Variants in XAF1 observed in about 807,000 individuals in gnomAD.
XAF1 encodes the protein XIAP-associated factor 1.
Under a neutral mutation model 32.3 loss-of-function variants are expected in XAF1, and 32 were observed. That is an observed-to-expected ratio of 0.99 (90% CI 0.75 to 1.33). The LOEUF is 1.33. XAF1 is among the 40% of genes most tolerant of loss of function. The pLI is 0.00. For missense variants in XAF1, 379 were observed against 366.0 expected, an observed-to-expected ratio of 1.04 and a Z score of -0.29; for synonymous variants, 120 against 125.9, an observed-to-expected ratio of 0.95 and a Z score of 0.31.
rs112532905 is a variant in XAF1, at chr17:6,763,276, C to T, written c.507+1036C>T. 9.9e-3 allele frequency among the ~76,000 whole-genome samples: 1,500 copies of T among 152,188 alleles called. 23 individuals are homozygous for T. Among genetic ancestry groups the T allele is most frequent in the African/African-American group, 0.033 (1,387 of 41,528 alleles). On this transcript the variant is annotated intron_variant, in intron 5 of 6. Coordinates refer to ENST00000361842, the MANE Select transcript of XAF1 (RefSeq NM_017523.5). ...TACCGTAACATTTTCAAGGTTTGCC[C>T]GTGTTGTAGTTGTGGCATGTGTCAG...
chr17:6,765,761 A>G (rs1003076764), intron 5 of XAF1, among the ~76,000 whole-genome samples: 1 of 152,116 alleles, frequency 6.6e-6, no homozygotes, highest in Non-Finnish European at 1.5e-5. Flanking sequence ...AGTCTCCTAA[A>G]CGGTCTTCCT....
At position 6,774,762 on chromosome 17, in the gene XAF1, A is replaced by T. The variant is rs149116720; in HGVS notation, c.*1593A>T. On this transcript the variant is annotated 3_prime_UTR_variant, in exon 7 of 7. Transcript: ENST00000361842. The stretch of plus-strand genomic sequence containing the variant: ...GAAAGGATAAAGAAAATGTGGTGGC[A>T]GGGAGTGGTGGCTCATGTCTGTAAT... 2 of 152,278 alleles carry T rather than the reference A, an allele frequency of 1.3e-5. No individual in the cohort carries two copies. Among genetic ancestry groups the T allele is most frequent in the Admixed American group, 6.5e-5 (1 of 15,286 alleles). 9.4% of individuals were successfully genotyped at this position (152,278 alleles called of 1,614,324 possible). A position where few individuals can be genotyped will look rare whatever the true frequency, so the allele number is the denominator to read the frequency against.
In XAF1 at chr17:6,774,789, C is replaced by T. The variant is rs1213888232; in HGVS notation, c.*1620C>T. 6.6e-6 allele frequency: 1 copy of T among 152,046 alleles called. No individual in the cohort carries two copies. The highest frequency in any genetic ancestry group is 1.9e-4 in the East Asian group (1 of 5,194). The allele number at this position is 152,046 out of a possible 1,614,324, so 9.4% of individuals were successfully genotyped here. ...GGAGTGGTGGCTCATGTCTGTAATC[C>T]CAGCACTTTGGGAGGCTGAGGCGGG... is the stretch of plus-strand genomic sequence containing the variant. On this transcript the variant is annotated 3_prime_UTR_variant, in exon 7 of 7. Transcript: ENST00000361842.
At chr17:6,767,858 C>T (rs1472442570) in intron 5 of XAF1, among the ~76,000 whole-genome samples, 1 of 152,068 alleles carries the variant, frequency 6.6e-6, no homozygotes, top group Non-Finnish European at 1.5e-5. Flanking sequence ...TTATTTCTAT[C>T]ATTTCAATAG....
chr17:6,755,998 C>T, upstream of XAF1: 2 of 1,610,654 alleles, frequency 1.2e-6, no homozygotes, highest in South Asian at 2.2e-5. Flanking sequence ...AAGCTGTGGG[C>T]TGGGCCATCG....
intron 4 of XAF1, 61 bp downstream of exon 4, chr17:6,760,662 G>A: frequency 2.7e-6 from 4 of 1,508,610 alleles, no homozygotes; most frequent in Non-Finnish European, 3.6e-6. Context: ...TTCCTGGATG[G>A]GATGCAAGGA....
At chr17:6,759,887 C>T (rs1291646235) in intron 3 of XAF1, 169 bp downstream of exon 3, 1 of 1,151,068 alleles carries the variant, frequency 8.7e-7, no homozygotes, top group East Asian at 2.5e-5. Flanking sequence ...CACAGGTTCT[C>T]CTGTCCCCCA....
At chr17:6,759,802 A>G (rs754416707) in intron 3 of XAF1, 84 bp downstream of exon 3, 1 of 1,605,054 alleles carries the variant, frequency 6.2e-7, no homozygotes, top group East Asian at 2.2e-5. Context: ...GAGGCCAGTA[A>G]TAGAGATTTC....
chr17:6,757,864 C>A (rs1464129194), intron 1 of XAF1, among the ~76,000 whole-genome samples: 3 of 152,086 alleles, frequency 2.0e-5, no homozygotes, highest in Admixed American at 1.3e-4. Flanking sequence ...ATGCCCTGCC[C>A]CAGCAATGTA....
chr17:6,768,631 A>AT (rs1282823095), intron 5 of XAF1, among the ~76,000 whole-genome samples: 3 of 152,116 alleles, frequency 2.0e-5, no homozygotes, highest in Non-Finnish European at 2.9e-5. Context: ...CAAAATCTAG[A>AT]TTAACAGCTA....
chr17:6,757,273 G>C (rs1208905603), intron 1 of XAF1: 2 of 152,368 alleles, frequency 1.3e-5, no homozygotes, highest in African/African-American at 4.8e-5. Flanking sequence ...AAAGTGCTGG[G>C]ATTACAGGCA....
intron 2 of XAF1, chr17:6,759,276 C>T: frequency 8.6e-7 from 1 of 1,166,668 alleles, no homozygotes; most frequent in Non-Finnish European, 1.1e-6. Flanking sequence ...CTGGCATAGG[C>T]AAGAGGTTCT....
intron 6 of XAF1, among the ~76,000 whole-genome samples, chr17:6,772,212 T>C (rs931190429): frequency 1.3e-5 from 2 of 152,158 alleles, no homozygotes; most frequent in African/African-American, 4.8e-5. Context: ...CATCCTTATA[T>C]AACAGAGTCG....
chr17:6,769,920 C>A (rs1245164545), intron 5 of XAF1, among the ~76,000 whole-genome samples: 2 of 152,198 alleles, frequency 1.3e-5, no homozygotes, highest in Admixed American at 6.5e-5. Flanking sequence ...TTCCTTTTCT[C>A]ATTAGCTGAT....
At position 6,772,249 on chromosome 17, in the gene XAF1, A is replaced by G. The variant is rs1329689543; in HGVS notation, c.850-864A>G. On this transcript the variant is annotated intron_variant, in intron 6 of 6. Transcript: ENST00000361842. ...CAGATTTAGCAAATAAAAATACAGG[A>G]CATTCAGTCAAATTTGAATTTCAGA... Among the ~76,000 whole-genome samples, 3 of 152,276 alleles carry G rather than the reference A, an allele frequency of 2.0e-5. No individual in the cohort carries two copies. In the East Asian group the frequency reaches 5.8e-4, roughly 29 times the overall value.
Position 6,770,868 on chromosome 17 carries a change from T to C in XAF1, c.733T>C (p.Ser245Pro), listed in dbSNP as rs375870927. The C allele has an allele frequency of 6.2e-7, 1 of 1,613,952 alleles. No individual in the cohort carries two copies. The highest frequency in any genetic ancestry group is 8.5e-7 in the Non-Finnish European group (1 of 1,180,006). ...CAAAACCTTGGATCCACTTTTGATGTCAGAGCCCAAGCCCAGGACCAGCTC... is the reference window on the plus strand; with the variant it reads ...CAAAACCTTGGATCCACTTTTGATGCCAGAGCCCAAGCCCAGGACCAGCTC... ...KNKTLDPLLM[S>P]EPKPRTSSPR... Residue 245 changes from serine to proline, a missense_variant, in exon 6 of 7, where the codon TCA becomes CCA. Physicochemically the swap from Ser to Pro is moderately conservative, Grantham distance 74. Transcript: ENST00000361842.
rs1975225565 is a variant in XAF1 at position 6,761,821 on chromosome 17, T to C, written c.422-334T>C. ...TCACAGAGTCTGAAAACTGGTGCAA[T>C]GAAAGAGCACAGTCAGAATGGAGGG... On this transcript the variant is annotated intron_variant, in intron 4 of 6. Transcript: ENST00000361842. 12 of 1,340,672 alleles carry C rather than the reference T, an allele frequency of 9.0e-6. No homozygotes were observed. In the South Asian group the frequency reaches 1.5e-4, roughly 17 times the overall value. 83.0% of individuals were successfully genotyped at this position (1,340,672 alleles called of 1,614,324 possible). A position where few individuals can be genotyped will look rare whatever the true frequency, so the allele number is the denominator to read the frequency against.
intron 5 of XAF1, among the ~76,000 whole-genome samples, chr17:6,768,591 G>C (rs1258929277): frequency 6.6e-6 from 1 of 151,512 alleles, no homozygotes; most frequent in Admixed American, 6.6e-5. Context: ...TTTGTTTTTT[G>C]CATCCATGAA....
chr17:6,774,591 C>T lies in XAF1; in HGVS notation c.*1422C>T, dbSNP rs375781575. On this transcript the variant is annotated 3_prime_UTR_variant, in exon 7 of 7. Coordinates refer to ENST00000361842, the MANE Select transcript of XAF1 (RefSeq NM_017523.5). ...ATGGGACATGATTAAACAGAATTAC[C>T]ATTTGACTCAGCAATCCCATTATTG... 1 of 152,122 alleles carries T rather than the reference C, an allele frequency of 6.6e-6. No individual in the cohort carries two copies. The highest frequency in any genetic ancestry group is 6.5e-5 in the Admixed American group (1 of 15,278). The allele number at this position is 152,122 out of a possible 1,614,324, so 9.4% of individuals were successfully genotyped here. A position where few individuals can be genotyped will look rare whatever the true frequency, so the allele number is the denominator to read the frequency against.
Sources: gnomAD v4.1 joint callset for allele counts (sites outside exome capture counted in the v4.1 genomes callset) on GRCh38, gnomAD v4.1.1 for gene constraint, MANE v1.5 for transcripts, NCBI Gene and HGNC (gene_info 2026-07-23, HGNC 2026-07-21) for gene names.